CACNA1D: variants seen among roughly 807,000 people sequenced by gnomAD.
The protein encoded by CACNA1D is voltage-dependent L-type calcium channel subunit alpha-1D.
A neutral mutation model predicts 257.1 loss-of-function variants in CACNA1D; 55 were observed. The observed-to-expected ratio is 0.21, with a 90% confidence interval of 0.17 to 0.27. The LOEUF (loss-of-function observed/expected upper bound fraction) is 0.27. Among genes scored for constraint, CACNA1D ranks in the 10% least tolerant of loss-of-function variants. The pLI is 1.00. For synonymous variants in CACNA1D, 980 were observed against 1,014.9 expected (o/e 0.97, Z 0.65); for missense variants, 1,876 against 2,784.0 (o/e 0.67, Z 7.34).
At chr3:53,712,939 C>T (rs2094775704) in intron 9 of CACNA1D, among the ~76,000 whole-genome samples, 1 of 152,172 alleles carries the variant, frequency 6.6e-6, no homozygotes, top group Non-Finnish European at 1.5e-5. Context: ...CTTCGGGGTG[C>T]CTTGACTGGA....
chr3:53,678,346 A>G (rs1187615664), intron 8 of CACNA1D, among the ~76,000 whole-genome samples: 3 of 152,180 alleles, frequency 2.0e-5, no homozygotes, highest in Non-Finnish European at 2.9e-5. Flanking sequence ...TTGTTATTAA[A>G]CCCACTCTTA....
chr3:53,582,759 C>A (rs1164144394), intron 3 of CACNA1D, among the ~76,000 whole-genome samples: 1 of 152,122 alleles, frequency 6.6e-6, no homozygotes, highest in Non-Finnish European at 1.5e-5. Flanking sequence ...GTGCAAGTAG[C>A]CTGGCAAGTT....
intron 4 of CACNA1D, among the ~76,000 whole-genome samples, chr3:53,658,367 AG>A: frequency 6.6e-6 from 1 of 152,218 alleles, no homozygotes; most frequent in Non-Finnish European, 1.5e-5. Context: ...AGTGGAAACC[AG>A]CCCCGGCCCC....
At chr3:53,663,809 G>C (rs1576278738) in intron 5 of CACNA1D, among the ~76,000 whole-genome samples, 1 of 150,502 alleles carries the variant, frequency 6.6e-6, no homozygotes, top group African/African-American at 2.5e-5. Context: ...TTTTTTTGGA[G>C]ACGAAGTCTT....
chr3:53,724,417 C>G (rs1046647135), intron 14 of CACNA1D, among the ~76,000 whole-genome samples: 1 of 152,192 alleles, frequency 6.6e-6, no homozygotes, highest in Non-Finnish European at 1.5e-5. Context: ...TGCCTCCATG[C>G]TTTGGTGTGT....
chr3:53,497,793 G>A (rs1351241626), intron 2 of CACNA1D, among the ~76,000 whole-genome samples: 2 of 152,152 alleles, frequency 1.3e-5, no homozygotes, highest in East Asian at 3.9e-4. Flanking sequence ...TAAATTCAGT[G>A]TTGTCTTTGG....
intron 39 of CACNA1D, chr3:53,782,264 G>GTGTGTATATATATATATA (rs6147823): frequency 1.2e-3 from 93 of 75,436 alleles, no homozygotes; most frequent in African/African-American, 4.4e-3. Context: ...GTGTGTGTGT[G>GTGTGTATATATATATATA]TATATATATA....
At chr3:53,796,666 T>G (rs2095508964) in intron 40 of CACNA1D, among the ~76,000 whole-genome samples, 1 of 152,208 alleles carries the variant, frequency 6.6e-6, no homozygotes, top group Admixed American at 6.5e-5. Context: ...GGTAACTTAA[T>G]CATTCAATAG....
At chr3:53,687,196 T>C (rs940757470) in intron 8 of CACNA1D, among the ~76,000 whole-genome samples, 1 of 152,100 alleles carries the variant, frequency 6.6e-6, no homozygotes, top group East Asian at 1.9e-4. Flanking sequence ...TGTTAAGATG[T>C]CCATTTTTCT....
intron 8 of CACNA1D, among the ~76,000 whole-genome samples, chr3:53,676,323 T>C (rs74411757): frequency 0.043 from 6,500 of 152,234 alleles, 418 homozygotes; most frequent in East Asian, 0.31. Flanking sequence ...ACTCCCCTCT[T>C]ACTTTCCCAT....
At chr3:53,728,656 A>T (rs140669563) in intron 15 of CACNA1D, among the ~76,000 whole-genome samples, 16 of 152,314 alleles carry the variant, frequency 1.1e-4, no homozygotes, top group African/African-American at 3.6e-4. Context: ...ATCTGCAGAG[A>T]AGTATTCCCT....
chr3:53,744,420 G>A (rs1162348020), intron 22 of CACNA1D, among the ~76,000 whole-genome samples: 3 of 152,104 alleles, frequency 2.0e-5, no homozygotes, highest in East Asian at 3.8e-4. Flanking sequence ...GATATATGAA[G>A]CCTAAAAGCC....
At position 53,801,049 on chromosome 3, in the gene CACNA1D, A is replaced by G. The variant is rs1462488644; in HGVS notation, c.5041-9A>G. 1 of 1,613,604 alleles carries G rather than the reference A, an allele frequency of 6.2e-7. No homozygotes were observed. Among genetic ancestry groups the G allele is most frequent in the Admixed American group, 1.7e-5 (1 of 60,012 alleles). On this transcript the variant is annotated splice_polypyrimidine_tract_variant and intron_variant, in intron 41 of 47. Transcript: ENST00000350061. Reference sequence around the variant, plus strand: ...AAATTACCTGGTGTTGTCTCCCATTATTTTGCAGAGAAATGGTGCCCTGCT... The same window carrying G: ...AAATTACCTGGTGTTGTCTCCCATTGTTTTGCAGAGAAATGGTGCCCTGCT...
chr3:53,577,067 C>A (rs1443884301), intron 3 of CACNA1D, among the ~76,000 whole-genome samples: 1 of 152,254 alleles, frequency 6.6e-6, no homozygotes, highest in African/African-American at 2.4e-5. Context: ...GTTGGTAACA[C>A]CCATTGTAGA....
At chr3:53,585,555 A>C (rs533907265) in intron 3 of CACNA1D, among the ~76,000 whole-genome samples, 3 of 152,204 alleles carry the variant, frequency 2.0e-5, no homozygotes, top group Admixed American at 2.0e-4. Flanking sequence ...TACCTCCCTA[A>C]CATGCTTTTC....
Position 53,812,669 on chromosome 3 carries a change from G to A in CACNA1D, c.*1263G>A, listed in dbSNP as rs951153495. The A allele has an allele frequency of 1.3e-5, 2 of 152,244 alleles. No homozygotes were observed. Among genetic ancestry groups the A allele is most frequent in the Non-Finnish European group, 2.9e-5 (2 of 68,060 alleles). 9.4% of individuals were successfully genotyped at this position (152,244 alleles called of 1,614,324 possible). On this transcript the variant is annotated 3_prime_UTR_variant, in exon 48 of 48. Transcript: ENST00000350061. ...GGTATCCATAGTTACGGTTTTCTCT[G>A]TGGCCCACCCAGGGTGTTTTTTGCA...
chr3:53,643,207 TG>T (rs1343117881), intron 3 of CACNA1D, among the ~76,000 whole-genome samples: 4 of 152,142 alleles, frequency 2.6e-5, no homozygotes, highest in African/African-American at 9.7e-5. Context: ...TTCATGTAAA[TG>T]TGGTGTTAAA....
intron 20 of CACNA1D, among the ~76,000 whole-genome samples, chr3:53,739,588 T>C (rs1290139291): frequency 6.6e-6 from 1 of 151,988 alleles, no homozygotes; most frequent in Non-Finnish European, 1.5e-5. Flanking sequence ...ACCAAGTCAG[T>C]CTGTTATTTG....
At chr3:53,667,945 G>A (rs2094285506) in intron 7 of CACNA1D, among the ~76,000 whole-genome samples, 1 of 152,098 alleles carries the variant, frequency 6.6e-6, no homozygotes, top group South Asian at 2.1e-4. Flanking sequence ...CAGGGGCATG[G>A]CTTCTGTATG....
Sources: allele counts gnomAD v4.1 joint callset (sites outside exome capture counted in the v4.1 genomes callset), GRCh38; gene constraint gnomAD v4.1.1; transcripts MANE v1.5; gene names NCBI Gene and HGNC (gene_info 2026-07-23, HGNC 2026-07-21).